WWOX: variants seen among roughly 807,000 people sequenced by gnomAD.
The protein encoded by WWOX is WW domain containing oxidoreductase.
In WWOX, 69 loss-of-function variants were observed where a neutral mutation model predicts 46.2. That is an observed-to-expected ratio of 1.49 (90% CI 1.23 to 1.82). The LOEUF (loss-of-function observed/expected upper bound fraction) is 1.82. WWOX is among the 40% of genes most tolerant of loss of function. The pLI is 0.00. For missense variants in WWOX, 919 were observed against 542.6 expected (o/e 1.69, Z -6.89); for synonymous variants, 359 against 202.6 (o/e 1.77, Z -6.56).
intron 5 of WWOX, among the ~76,000 whole-genome samples, chr16:78,295,577 G>A (rs1251801514): frequency 3.9e-5 from 6 of 152,158 alleles, no homozygotes; most frequent in Non-Finnish European, 7.3e-5. Flanking sequence ...CGGACATGAT[G>A]GCAAGTGCCT....
chr16:78,642,344 T>C (rs2046739486), intron 8 of WWOX, among the ~76,000 whole-genome samples: 1 of 152,138 alleles, frequency 6.6e-6, no homozygotes, highest in South Asian at 2.1e-4. Flanking sequence ...AGGGCTTCTG[T>C]CTCCAGATTC....
At chr16:78,104,832 C>A (rs1004637577) in intron 1 of WWOX, among the ~76,000 whole-genome samples, 4 of 152,162 alleles carry the variant, frequency 2.6e-5, no homozygotes, top group East Asian at 1.9e-4. Flanking sequence ...CCCGTGTTAA[C>A]TCACTCGGTT....
At chr16:79,004,878 G>A (rs1168171633) in intron 8 of WWOX, 3 of 152,166 alleles carry the variant, frequency 2.0e-5, no homozygotes, top group Non-Finnish European at 2.9e-5. Flanking sequence ...TTTATTATTT[G>A]TAATTTTGGG....
At chr16:78,656,520 A>C (rs8059227) in intron 8 of WWOX, among the ~76,000 whole-genome samples, 33,362 of 152,126 alleles carry the variant, frequency 0.22, 3,753 homozygotes, top group Non-Finnish European at 0.22. Context: ...CTGGAGTAGG[A>C]GGCAAGGAGC....
chr16:78,329,006 C>T (rs1377452154), intron 5 of WWOX, among the ~76,000 whole-genome samples: 2 of 151,978 alleles, frequency 1.3e-5, no homozygotes, highest in African/African-American at 4.8e-5. Context: ...GGACTACAGG[C>T]TCCCATCACC....
intron 5 of WWOX, among the ~76,000 whole-genome samples, chr16:78,361,489 C>G (rs936458641): frequency 6.6e-6 from 1 of 152,158 alleles, no homozygotes; most frequent in Non-Finnish European, 1.5e-5. Flanking sequence ...TTGGATCTTG[C>G]CTGCAGCAGT....
chr16:78,484,998 A>G (rs145131613), intron 8 of WWOX, among the ~76,000 whole-genome samples: 15 of 152,190 alleles, frequency 9.9e-5, no homozygotes, highest in Non-Finnish European at 1.8e-4. Context: ...TGAGCTGACT[A>G]ACACCTTATA....
intron 8 of WWOX, among the ~76,000 whole-genome samples, chr16:78,746,628 T>G (rs1016139526): frequency 1.3e-5 from 2 of 151,922 alleles, no homozygotes; most frequent in South Asian, 4.2e-4. Flanking sequence ...TTAGTCAACA[T>G]GATGTGAGCA....
At chr16:78,755,128 A>C (rs994260805) in intron 8 of WWOX, among the ~76,000 whole-genome samples, 1 of 151,888 alleles carries the variant, frequency 6.6e-6, no homozygotes, top group Non-Finnish European at 1.5e-5. Flanking sequence ...TGACGGGTTG[A>C]TAGGTGCAGC....
chr16:78,342,287 G>A (rs2081030744), intron 5 of WWOX, among the ~76,000 whole-genome samples: 1 of 120,680 alleles, frequency 8.3e-6, no homozygotes, highest in Admixed American at 8.1e-5. Context: ...AACAAACGCT[G>A]ATTTGTTCCT....
At chr16:78,736,905 G>A (rs186609787) in intron 8 of WWOX, among the ~76,000 whole-genome samples, 2 of 151,608 alleles carry the variant, frequency 1.3e-5, no homozygotes, top group South Asian at 2.1e-4. Flanking sequence ...CAATGTGCCC[G>A]GCCCACAATG....
chr16:78,636,045 G>A (rs1424878325), intron 8 of WWOX, among the ~76,000 whole-genome samples: 1 of 152,164 alleles, frequency 6.6e-6, no homozygotes, highest in Non-Finnish European at 1.5e-5. Flanking sequence ...GCTCGCTGCG[G>A]AACACTGCCT....
At chr16:79,112,661 G>T (rs1301041595) in intron 8 of WWOX, among the ~76,000 whole-genome samples, 1 of 152,184 alleles carries the variant, frequency 6.6e-6, no homozygotes, top group African/African-American at 2.4e-5. Context: ...TCGCATGAAT[G>T]TTTGCACATC....
intron 8 of WWOX, among the ~76,000 whole-genome samples, chr16:78,901,757 G>A (rs1311160123): frequency 1.3e-5 from 2 of 152,174 alleles, no homozygotes; most frequent in Admixed American, 1.3e-4. Context: ...CCAAAGTGCT[G>A]GGATTACAGG....
At chr16:78,223,621 A>G (rs1017673336) in intron 5 of WWOX, among the ~76,000 whole-genome samples, 2 of 152,120 alleles carry the variant, frequency 1.3e-5, no homozygotes, top group South Asian at 2.1e-4. Context: ...TGGGCGGTGC[A>G]GAGTCTTGGG....
intron 8 of WWOX, among the ~76,000 whole-genome samples, chr16:79,070,422 A>G (rs929490034): frequency 6.6e-6 from 1 of 152,188 alleles, no homozygotes; most frequent in African/African-American, 2.4e-5. Flanking sequence ...GAAATGACGT[A>G]TCAGTCCAGA....
At chr16:78,770,459 C>G (rs1049150303) in intron 8 of WWOX, among the ~76,000 whole-genome samples, 1 of 152,182 alleles carries the variant, frequency 6.6e-6, no homozygotes. Flanking sequence ...ATCTGGGGTC[C>G]CCACGGGCCA....
chr16:78,422,684 T>TATATATATATATATATATATATACATAC (rs1263877025), intron 6 of WWOX, among the ~76,000 whole-genome samples: 1 of 52,970 alleles, frequency 1.9e-5, no homozygotes, highest in Non-Finnish European at 3.3e-5. Flanking sequence ...TATATATATA[T>TATATATATATATATATATATATACATAC]ACACACACAC....
intron 3 of WWOX, among the ~76,000 whole-genome samples, chr16:78,110,666 C>T (rs2032440034): frequency 6.6e-6 from 1 of 152,166 alleles, no homozygotes; most frequent in Non-Finnish European, 1.5e-5. Flanking sequence ...AACCACCTGT[C>T]CAACATATAG....
Sources: allele counts gnomAD v4.1 joint callset (sites outside exome capture counted in the v4.1 genomes callset), GRCh38; gene constraint gnomAD v4.1.1; transcripts MANE v1.5; gene names NCBI Gene and HGNC (gene_info 2026-07-23, HGNC 2026-07-21).